The following SAMD12 variants were observed in gnomAD, a reference collection of about 807,000 sequenced individuals.
The protein encoded by SAMD12 is sterile alpha motif domain containing 12.
A neutral mutation model predicts 15.0 loss-of-function variants in SAMD12; 9 were observed. The observed-to-expected ratio is 0.60, with a 90% CI of 0.36 to 1.05. The LOEUF is 1.05. Ranked by LOEUF, SAMD12 falls within the 50% of genes least tolerant of loss-of-function variation. The pLI, the probability that SAMD12 is intolerant of heterozygous loss-of-function variation, is 0.01. For missense variants in SAMD12, 230 were observed against 234.2 expected, an observed-to-expected ratio of 0.98 and a Z score of 0.12; for synonymous variants, 86 against 90.1, an observed-to-expected ratio of 0.96 and a Z score of 0.25.
intron 4 of SAMD12, among the ~76,000 whole-genome samples, chr8:118,298,935 G>A (rs1015879336): frequency 2.6e-5 from 4 of 152,058 alleles, no homozygotes; most frequent in South Asian, 4.1e-4. Context: ...TTACATGTTT[G>A]CTTATAAACA....
At chr8:118,615,123 T>G (rs1000922100) in intron 1 of SAMD12, among the ~76,000 whole-genome samples, 4 of 152,140 alleles carry the variant, frequency 2.6e-5, no homozygotes, top group African/African-American at 9.7e-5. Context: ...AGGGCTAAAC[T>G]ACCACATCCC....
chr8:118,226,757 T>C (rs1812198299), intron 4 of SAMD12, among the ~76,000 whole-genome samples: 1 of 152,178 alleles, frequency 6.6e-6, no homozygotes, highest in South Asian at 2.1e-4. Flanking sequence ...CAAAGTTCCA[T>C]GGGTGCACAG....
chr8:118,607,893 T>A (rs1429987983), intron 1 of SAMD12, among the ~76,000 whole-genome samples: 1 of 152,184 alleles, frequency 6.6e-6, no homozygotes, highest in South Asian at 2.1e-4. Context: ...TTCTATCCTT[T>A]TATCTTCAAA....
rs115965734 is a variant in SAMD12, at chr8:118,431,826, C to T, written c.322+8006G>A. ...GTGATTAGTTTTGGAAATCTGTTGT[C>T]ATTACTATTTGAACTATTCTTCTGT... is the stretch of plus-strand genomic sequence containing the variant. On this transcript the variant is annotated intron_variant, in intron 3 of 3. Coordinates refer to ENST00000314727, the MANE Select transcript of SAMD12 (RefSeq NM_207506.3). Among the ~76,000 whole-genome samples the T allele has an allele frequency of 6.7e-3, 1,025 of 151,992 alleles. 15 individuals are homozygous for T. The highest frequency in any genetic ancestry group is 0.021 in the African/African-American group (875 of 41,444).
intron 1 of SAMD12, among the ~76,000 whole-genome samples, chr8:118,582,544 A>G (rs529499835): frequency 6.6e-6 from 1 of 152,270 alleles, no homozygotes; most frequent in African/African-American, 2.4e-5. Flanking sequence ...TAAGCTTCCT[A>G]TTTAGTGGTA....
chr8:118,422,007 A>C (rs1360277111), intron 3 of SAMD12, among the ~76,000 whole-genome samples: 2 of 152,212 alleles, frequency 1.3e-5, no homozygotes, highest in African/African-American at 4.8e-5. Flanking sequence ...ACATCAATGG[A>C]ATGTAAGTGT....
intron 4 of SAMD12, among the ~76,000 whole-genome samples, chr8:118,346,194 A>T (rs1487814285): frequency 2.0e-5 from 3 of 152,200 alleles, no homozygotes; most frequent in African/African-American, 7.2e-5. Flanking sequence ...TATAAATTAT[A>T]TATGTAATTT....
chr8:118,244,706 G>C (rs916942269), intron 4 of SAMD12, among the ~76,000 whole-genome samples: 2 of 152,084 alleles, frequency 1.3e-5, no homozygotes, highest in African/African-American at 4.8e-5. Flanking sequence ...ATGAGGACTA[G>C]TGCTCAAAAC....
At chr8:118,250,445 T>C (rs188189041) in intron 4 of SAMD12, among the ~76,000 whole-genome samples, 164 of 151,976 alleles carry the variant, frequency 1.1e-3, no homozygotes, top group African/African-American at 3.8e-3. Flanking sequence ...TTAATTGTGG[T>C]GAATGCCCCC....
chr8:118,521,213 A>G (rs1198422227), intron 2 of SAMD12, among the ~76,000 whole-genome samples: 3 of 152,084 alleles, frequency 2.0e-5, no homozygotes, highest in African/African-American at 4.8e-5. Context: ...CTAAACATCC[A>G]TCATCCAGCT....
chr8:118,554,137 G>C (rs998317075), intron 2 of SAMD12, among the ~76,000 whole-genome samples: 3 of 152,058 alleles, frequency 2.0e-5, no homozygotes, highest in African/African-American at 7.2e-5. Flanking sequence ...ATTCCTCAGG[G>C]ATCTAGAACT....
intron 2 of SAMD12, among the ~76,000 whole-genome samples, chr8:118,560,712 T>C (rs568568499): frequency 2.6e-5 from 4 of 152,182 alleles, no homozygotes; most frequent in Non-Finnish European, 5.9e-5. Flanking sequence ...AATTCCTATT[T>C]TAGGGCTCAA....
intron 2 of SAMD12, among the ~76,000 whole-genome samples, chr8:118,563,237 A>G (rs1027093394): frequency 6.6e-6 from 1 of 152,236 alleles, no homozygotes; most frequent in Non-Finnish European, 1.5e-5. Flanking sequence ...TTTTACTACC[A>G]GTCACACAAA....
At chr8:118,467,680 A>G (rs1823636445) in intron 2 of SAMD12, among the ~76,000 whole-genome samples, 1 of 152,168 alleles carries the variant, frequency 6.6e-6, no homozygotes, top group South Asian at 2.1e-4. Context: ...CTCCTAATCA[A>G]TTTGGAGACT....
Position 118,621,951 on chromosome 8 carries a change from C to A in SAMD12, c.-135G>T, listed in dbSNP as rs559438019. On this transcript the variant is annotated 5_prime_UTR_variant, in exon 1 of 4. Coordinates refer to ENST00000314727, the MANE Select transcript of SAMD12 (RefSeq NM_207506.3). ...CTCCAGGACCAACCTGCCGCGGTCA[C>A]GCAAAGCGAGGCAGCCGGCTCCCGG... 2 of 1,124,998 alleles carry A rather than the reference C, an allele frequency of 1.8e-6. No individual in the cohort carries two copies. The highest frequency in any genetic ancestry group is 2.4e-5 in the East Asian group (1 of 42,382). 69.7% of individuals were successfully genotyped at this position (1,124,998 alleles called of 1,614,324 possible).
At chr8:118,449,309 C>T (rs921317409) in intron 2 of SAMD12, among the ~76,000 whole-genome samples, 1 of 151,946 alleles carries the variant, frequency 6.6e-6, no homozygotes, top group Non-Finnish European at 1.5e-5. Flanking sequence ...GATCCACCTG[C>T]CTTGGCCTCC....
At chr8:118,243,622 C>T (rs1277837120) in intron 4 of SAMD12, among the ~76,000 whole-genome samples, 4 of 152,114 alleles carry the variant, frequency 2.6e-5, no homozygotes, top group African/African-American at 7.2e-5. Flanking sequence ...AGACTTTCTA[C>T]AGTGGATCTG....
intron 4 of SAMD12, among the ~76,000 whole-genome samples, chr8:118,265,323 G>A (rs1007041709): frequency 6.6e-6 from 1 of 152,100 alleles, no homozygotes; most frequent in East Asian, 1.9e-4. Context: ...AACAAATGAG[G>A]CATAATAAAG....
At chr8:118,293,883 T>C (rs1005901794) in intron 4 of SAMD12, among the ~76,000 whole-genome samples, 1 of 152,308 alleles carries the variant, frequency 6.6e-6, no homozygotes, top group African/African-American at 2.4e-5. Context: ...GGGAAAAATG[T>C]GGTACCCCTT....
Sources: allele counts gnomAD v4.1 joint callset (sites outside exome capture counted in the v4.1 genomes callset), GRCh38; gene constraint gnomAD v4.1.1; transcripts MANE v1.5; gene names NCBI Gene and HGNC (gene_info 2026-07-23, HGNC 2026-07-21).